The following SNTG2 variants were observed in gnomAD, a reference collection of about 807,000 sequenced individuals.
The protein encoded by SNTG2 is syntrophin gamma 2, also known as gamma-2-syntrophin.
A neutral mutation model predicts 70.9 loss-of-function variants in SNTG2; 74 were observed. The ratio of observed to expected loss-of-function variants is 1.04; its 90% CI spans 0.86 to 1.27. The LOEUF is 1.27. SNTG2 is among the 50% of genes most tolerant of loss of function. SNTG2 has a pLI of 0.00. For missense variants in SNTG2, 717 were observed against 690.7 expected (o/e 1.04, Z -0.43); for synonymous variants, 278 against 273.8 (o/e 1.02, Z -0.15).
chr2:1,099,071 C>T (rs1281259985), intron 4 of SNTG2, among the ~76,000 whole-genome samples: 1 of 152,186 alleles, frequency 6.6e-6, no homozygotes, highest in Admixed American at 6.5e-5. Flanking sequence ...CATAATGAAC[C>T]CCCTGCGGTA....
chr2:1,190,733 G>A (rs1239898151), intron 8 of SNTG2, among the ~76,000 whole-genome samples: 1 of 151,714 alleles, frequency 6.6e-6, no homozygotes, highest in Non-Finnish European at 1.5e-5. Context: ...GGCACGTTAA[G>A]AGATTTTCAA....
intron 14 of SNTG2, 131 bp from the exon 15 acceptor site, chr2:1,308,363 T>G (rs1279328177): frequency 2.6e-6 from 2 of 770,794 alleles, no homozygotes; most frequent in Non-Finnish European, 4.2e-6. Flanking sequence ...CCTCCTGTTT[T>G]GTTCCCCGTA....
intron 1 of SNTG2, among the ~76,000 whole-genome samples, chr2:1,015,211 G>C (rs959547933): frequency 6.6e-6 from 1 of 152,140 alleles, no homozygotes; most frequent in Non-Finnish European, 1.5e-5. Context: ...GGACCATGTT[G>C]GTGGCTGTTC....
intron 1 of SNTG2, among the ~76,000 whole-genome samples, chr2:1,069,806 TACAA>T (rs1375175423): frequency 2.0e-5 from 3 of 151,510 alleles, no homozygotes; most frequent in Non-Finnish European, 2.9e-5. Context: ...AATAAATAAA[TACAA>T]AACAAAACAA....
chr2:1,361,014 C>T (rs1322438821), intron 16 of SNTG2, among the ~76,000 whole-genome samples: 2 of 152,190 alleles, frequency 1.3e-5, no homozygotes, highest in Non-Finnish European at 2.9e-5. Context: ...CTCTTCCATT[C>T]CACTAGCATC....
At chr2:1,250,924 A>G (rs1677717071) in intron 12 of SNTG2, among the ~76,000 whole-genome samples, 1 of 151,780 alleles carries the variant, frequency 6.6e-6, no homozygotes, top group African/African-American at 2.4e-5. Flanking sequence ...TTCTGCATAC[A>G]CTCCGGAACA....
chr2:1,184,080 C>A (rs1178565815), intron 8 of SNTG2, among the ~76,000 whole-genome samples: 2 of 152,082 alleles, frequency 1.3e-5, no homozygotes, highest in Non-Finnish European at 2.9e-5. Flanking sequence ...ATTGTGGGGG[C>A]CACCCTTGGT....
At chr2:968,331 C>G (rs967196278) in intron 1 of SNTG2, among the ~76,000 whole-genome samples, 1 of 151,938 alleles carries the variant, frequency 6.6e-6, no homozygotes, top group Non-Finnish European at 1.5e-5. Context: ...GCCCCTTTTC[C>G]ATTTGTAATA....
chr2:1,207,308 C>A (rs147695704), intron 8 of SNTG2, among the ~76,000 whole-genome samples: 1 of 152,190 alleles, frequency 6.6e-6, no homozygotes, highest in Non-Finnish European at 1.5e-5. Context: ...GCTCAGAGTT[C>A]AAATGTTCCA....
In SNTG2 at chr2:950,870, C is replaced by A; in HGVS notation, c.-127C>A. On this transcript the variant is annotated 5_prime_UTR_variant, in exon 1 of 17. Coordinates refer to ENST00000308624, the MANE Select transcript of SNTG2 (RefSeq NM_018968.4). ...CCCCAGCCCTGCGCCCCGGTGGAGC[C>A]CGAGCCGGAGCCGGCAGAGGGGCGC... The A allele has an allele frequency of 3.2e-6, 1 of 310,996 alleles. No homozygotes were observed. The highest frequency in any genetic ancestry group is 5.4e-6 in the Non-Finnish European group (1 of 186,460). The allele number at this position is 310,996 out of a possible 1,614,324, so 19.3% of individuals were successfully genotyped here. A position where few individuals can be genotyped will look rare whatever the true frequency, so the allele number is the denominator to read the frequency against.
At position 975,623 on chromosome 2, in the gene SNTG2, C is replaced by T. The variant is rs552450244; in HGVS notation, c.72+24555C>T. 2.6e-5 allele frequency among the ~76,000 whole-genome samples: 4 copies of T among 151,516 alleles called. No homozygotes were observed. In the South Asian group the frequency reaches 8.3e-4, roughly 32 times the overall value. On this transcript the variant is annotated intron_variant, in intron 1 of 16. Coordinates refer to ENST00000308624, the MANE Select transcript of SNTG2 (RefSeq NM_018968.4). ...ACATACCTACCCACCCATCCGCCTA[C>T]ACCACATACAGCTTAATGTTTGACA...
At chr2:1,245,136 G>A (rs1169366748) in intron 11 of SNTG2, among the ~76,000 whole-genome samples, 1 of 115,026 alleles carries the variant, frequency 8.7e-6, no homozygotes, top group Non-Finnish European at 1.7e-5. Context: ...TGGGGGGAGG[G>A]GGGAGGGATA....
At chr2:1,179,297 A>G (rs1195908242) in intron 8 of SNTG2, among the ~76,000 whole-genome samples, 1 of 152,116 alleles carries the variant, frequency 6.6e-6, no homozygotes, top group East Asian at 1.9e-4. Context: ...TTGTGTCTCT[A>G]TTTCCTTCAG....
At chr2:966,882 G>A (rs1660585013) in intron 1 of SNTG2, among the ~76,000 whole-genome samples, 1 of 152,122 alleles carries the variant, frequency 6.6e-6, no homozygotes, top group Admixed American at 6.5e-5. Context: ...GGGAGGTGGG[G>A]GTTGCAGTGA....
chr2:1,001,142 A>G (rs535675758), intron 1 of SNTG2, among the ~76,000 whole-genome samples: 68 of 152,066 alleles, frequency 4.5e-4, no homozygotes, highest in Non-Finnish European at 7.8e-4. Context: ...GCCATGTATG[A>G]GAAATGCACA....
intron 8 of SNTG2, among the ~76,000 whole-genome samples, chr2:1,190,597 T>G (rs918167103): frequency 2.7e-4 from 40 of 145,572 alleles, no homozygotes; most frequent in African/African-American, 9.1e-4. Flanking sequence ...TATATAATAC[T>G]TAACCATATA....
At chr2:1,049,562 T>C (rs1007257954) in intron 1 of SNTG2, among the ~76,000 whole-genome samples, 9 of 152,258 alleles carry the variant, frequency 5.9e-5, no homozygotes, top group African/African-American at 2.2e-4. Flanking sequence ...TCATATTGGT[T>C]GATTCCAAGT....
intron 4 of SNTG2, among the ~76,000 whole-genome samples, chr2:1,103,029 C>T (rs1041161816): frequency 3.3e-5 from 5 of 152,194 alleles, no homozygotes; most frequent in African/African-American, 4.8e-5. Flanking sequence ...CTGGAGCCCC[C>T]GCCCCCTGGT....
In SNTG2 at chr2:1,222,079, G is replaced by GTCTC. The variant is rs1553362204; in HGVS notation, c.719+12851_719+12854dup. 2.2e-3 allele frequency among the ~76,000 whole-genome samples: 32 copies of GTCTC among 14,592 alleles called. 1 individual carries two copies. Among genetic ancestry groups the GTCTC allele is most frequent in the African/African-American group, 3.6e-3 (16 of 4,408 alleles). The allele number at this position is 14,592 out of a possible 152,430, so 9.6% of individuals were successfully genotyped here. On this transcript the variant is annotated intron_variant, in intron 9 of 16. Transcript: ENST00000308624. The stretch of plus-strand genomic sequence containing the variant: ...TCTGTCTCTGTTTCTCTCTGTCTCT[G>GTCTC]TCTCTGTCTCTCTCTGTCTCTCTCT...
Sources: gnomAD v4.1 joint callset for allele counts (sites outside exome capture counted in the v4.1 genomes callset) on GRCh38, gnomAD v4.1.1 for gene constraint, MANE v1.5 for transcripts, NCBI Gene and HGNC (gene_info 2026-07-23, HGNC 2026-07-21) for gene names.